ABCC1: variants seen among roughly 807,000 people sequenced by gnomAD.
The protein encoded by ABCC1 is multidrug resistance-associated protein 1.
Under a neutral mutation model 172.9 loss-of-function variants are expected in ABCC1, and 83 were observed. The observed-to-expected ratio is 0.48, with a 90% CI of 0.40 to 0.58. The LOEUF is 0.58. Among genes scored for constraint, ABCC1 ranks in the 20% least tolerant of loss-of-function variants. ABCC1 has a pLI of 0.00. For synonymous variants in ABCC1, 937 were observed against 825.2 expected (o/e 1.14, Z -2.32); for missense variants, 1,817 against 2,002.7 (o/e 0.91, Z 1.77).
chr16:16,006,906 G>GTGA (rs1219472223), intron 1 of ABCC1, among the ~76,000 whole-genome samples: 2 of 119,886 alleles, frequency 1.7e-5, no homozygotes, highest in Non-Finnish European at 1.9e-5. Context: ...GGTGGCGATG[G>GTGA]TGATGATGAT....
chr16:16,023,452 C>G (rs1164295674), intron 5 of ABCC1, among the ~76,000 whole-genome samples: 3 of 152,170 alleles, frequency 2.0e-5, no homozygotes, highest in African/African-American at 7.2e-5. Context: ...CCCTCGTGCC[C>G]CTTCATGATC....
At chr16:16,041,941 AC>A (rs1400220909) in intron 7 of ABCC1, among the ~76,000 whole-genome samples, 4 of 152,124 alleles carry the variant, frequency 2.6e-5, no homozygotes, top group African/African-American at 9.7e-5. Flanking sequence ...TGCTAAAAAT[AC>A]AAAAATTAGC....
chr16:16,012,175 A>G (rs1449446256), intron 3 of ABCC1, among the ~76,000 whole-genome samples: 1 of 152,128 alleles, frequency 6.6e-6, no homozygotes, highest in African/African-American at 2.4e-5. Flanking sequence ...CCCTTTATTA[A>G]CCCTTTTACG....
intron 11 of ABCC1, 71 bp downstream of exon 11, chr16:16,052,887 C>G: frequency 4.1e-6 from 6 of 1,459,394 alleles, no homozygotes; most frequent in Non-Finnish European, 4.8e-6. Context: ...GATTTTAGTC[C>G]AGTTCCTTCT....
At chr16:16,090,646 A>G in intron 19 of ABCC1, 58 bp downstream of exon 19, 2 of 1,482,978 alleles carry the variant, frequency 1.3e-6, no homozygotes, top group East Asian at 2.4e-5. Flanking sequence ...GAAGGGCCAC[A>G]TTGGCCTCTT....
chr16:16,014,450 A>C, intron 3 of ABCC1, 41 bp from the exon 4 acceptor site: 1 of 1,601,672 alleles, frequency 6.2e-7, no homozygotes, highest in Non-Finnish European at 8.5e-7. Context: ...TCTGTCTCAA[A>C]AAAAAACCCA....
intron 4 of ABCC1, among the ~76,000 whole-genome samples, chr16:16,016,147 TG>T (rs1450336683): frequency 3.1e-4 from 34 of 110,310 alleles, no homozygotes; most frequent in African/African-American, 1.1e-3. Flanking sequence ...AATGTGATCT[TG>T]GTTTTTTTTT....
intron 5 of ABCC1, among the ~76,000 whole-genome samples, chr16:16,018,297 G>A (rs541510950): frequency 6.6e-6 from 1 of 152,120 alleles, no homozygotes; most frequent in East Asian, 1.9e-4. Context: ...ACCTGTAATC[G>A]CAGCACTTTG....
Position 16,076,334 on chromosome 16 carries a change from A to G in ABCC1, c.1921A>G (p.Thr641Ala), listed in dbSNP as rs753098037. 2.5e-6 allele frequency: 4 copies of G among 1,612,644 alleles called. 1 individual carries two copies. Among genetic ancestry groups the G allele is most frequent in the South Asian group, 2.2e-5 (2 of 90,622 alleles). The change falls in exon 15 of 31, where the codon ACG becomes GCG. Residue 641 changes from threonine (T) to alanine (A), a missense_variant. Physicochemically the swap from Thr to Ala is moderately conservative, Grantham distance 58. Transcript: ENST00000399410. ...GTCTCTGTGCTTTGTAGGCGGGGGC[A>G]CGAACAGCATCACCGTGAGGAATGC... ...ERRPVKDGGG[T>A]NSITVRNATF...
At chr16:16,104,995 C>T (rs1405675733) in intron 20 of ABCC1, among the ~76,000 whole-genome samples, 2 of 152,138 alleles carry the variant, frequency 1.3e-5, no homozygotes, top group Non-Finnish European at 2.9e-5. Flanking sequence ...CTCCGGTTCC[C>T]TCCCGTTCCT....
At chr16:16,050,729 CAAAAAAAA>C (rs35207136) in intron 10 of ABCC1, among the ~76,000 whole-genome samples, 33 of 66,578 alleles carry the variant, frequency 5.0e-4, no homozygotes, top group African/African-American at 1.4e-3. Flanking sequence ...CCTGTCTCTA[CAAAAAAAA>C]AAAAAAAAAA....
chr16:15,977,412 A>AT (rs921041478), intron 1 of ABCC1, among the ~76,000 whole-genome samples: 2 of 151,780 alleles, frequency 1.3e-5, no homozygotes, highest in African/African-American at 4.8e-5. Flanking sequence ...ATTTATTTTT[A>AT]TTTTTAACAG....
At chr16:16,134,630 T>G in intron 28 of ABCC1, 122 bp downstream of exon 28, 11 of 418,446 alleles carry the variant, frequency 2.6e-5, no homozygotes, top group African/African-American at 2.1e-4. Context: ...TCGTTCTTTT[T>G]TTTTTTTTTT....
At chr16:16,021,319 T>A (rs1046640538) in intron 5 of ABCC1, among the ~76,000 whole-genome samples, 5 of 151,872 alleles carry the variant, frequency 3.3e-5, no homozygotes, top group African/African-American at 1.2e-4. Flanking sequence ...GAGCCTTATT[T>A]TTTTTTTTAA....
chr16:16,033,392 G>C (rs2048625788), intron 6 of ABCC1, among the ~76,000 whole-genome samples: 1 of 152,210 alleles, frequency 6.6e-6, no homozygotes, highest in Admixed American at 6.5e-5. Flanking sequence ...GCCGTGAGCA[G>C]CTGACACCTC....
intron 6 of ABCC1, 36 bp from the exon 7 acceptor site, chr16:16,036,436 C>A: frequency 6.3e-7 from 1 of 1,590,692 alleles, no homozygotes; most frequent in Non-Finnish European, 8.6e-7. Context: ...CTGTCATTGA[C>A]TCTCATTGCC....
intron 5 of ABCC1, among the ~76,000 whole-genome samples, chr16:16,019,750 G>A (rs1480765354): frequency 1.3e-5 from 2 of 152,154 alleles, no homozygotes; most frequent in African/African-American, 4.8e-5. Flanking sequence ...CTGGGCCTGG[G>A]ATTTGCTCTG....
chr16:15,971,550 C>T (rs2046370369), intron 1 of ABCC1, among the ~76,000 whole-genome samples: 1 of 152,288 alleles, frequency 6.6e-6, no homozygotes, highest in South Asian at 2.1e-4. Context: ...TCCTACATTA[C>T]CCCCTGTGGA....
intron 1 of ABCC1, among the ~76,000 whole-genome samples, chr16:15,952,790 G>T (rs1314896349): frequency 6.7e-6 from 1 of 149,208 alleles, no homozygotes; most frequent in Non-Finnish European, 1.5e-5. Flanking sequence ...AGCACTTTGG[G>T]AGGCTGAGGC....
Sources: allele counts gnomAD v4.1 joint callset (sites outside exome capture counted in the v4.1 genomes callset), GRCh38; gene constraint gnomAD v4.1.1; transcripts MANE v1.5; gene names NCBI Gene and HGNC (gene_info 2026-07-23, HGNC 2026-07-21).